ULK4: variants seen among roughly 807,000 people sequenced by gnomAD.
ULK4 encodes unc-51 like kinase 4, also known as inactive serine/threonine-protein kinase ULK4.
ULK4 carries 133 observed loss-of-function variants against 160.6 expected under a neutral mutation model. That is an observed-to-expected ratio of 0.83 (90% CI 0.72 to 0.96). The LOEUF (loss-of-function observed/expected upper bound fraction) is 0.96. Among genes scored for constraint, ULK4 ranks in the 40% least tolerant of loss-of-function variants. ULK4 has a pLI of 0.00. For missense variants in ULK4, 1,580 were observed against 1,499.5 expected (o/e 1.05, Z -0.89); for synonymous variants, 534 against 539.8 (o/e 0.99, Z 0.15).
chr3:41,912,328 CAA>C (rs1223106095), intron 9 of ULK4, among the ~76,000 whole-genome samples: 19 of 88,226 alleles, frequency 2.2e-4, no homozygotes, highest in Admixed American at 2.7e-4. Flanking sequence ...GACGTTGTCT[CAA>C]AAAAAAAAAA....
At chr3:41,664,576 C>T (rs374300194) in intron 29 of ULK4, among the ~76,000 whole-genome samples, 8 of 152,176 alleles carry the variant, frequency 5.3e-5, no homozygotes, top group South Asian at 2.1e-4. Flanking sequence ...TCCAGATTCC[C>T]GGAAGGAAAG....
intron 34 of ULK4, among the ~76,000 whole-genome samples, chr3:41,429,845 T>C (rs535567320): frequency 3.9e-4 from 59 of 152,266 alleles, no homozygotes; most frequent in African/African-American, 1.4e-3. Context: ...CAAACCACCA[T>C]GGCACATGTT....
chr3:41,628,027 C>A (rs2033599765), intron 30 of ULK4, among the ~76,000 whole-genome samples: 2 of 152,088 alleles, frequency 1.3e-5, no homozygotes, highest in South Asian at 2.1e-4. Flanking sequence ...TTATGGGTAA[C>A]CTCCAAGGAT....
At chr3:41,728,335 C>T (rs2037718572) in intron 22 of ULK4, among the ~76,000 whole-genome samples, 1 of 152,110 alleles carries the variant, frequency 6.6e-6, no homozygotes, top group South Asian at 2.1e-4. Flanking sequence ...AGGTTGCTTC[C>T]ACTTATGGTG....
chr3:41,603,520 C>T (rs531261563), intron 31 of ULK4, among the ~76,000 whole-genome samples: 1 of 152,100 alleles, frequency 6.6e-6, no homozygotes, highest in Non-Finnish European at 1.5e-5. Flanking sequence ...ATACTATACC[C>T]CAATGAATAA....
At chr3:41,520,920 T>G (rs2085910575) in intron 32 of ULK4, among the ~76,000 whole-genome samples, 1 of 152,240 alleles carries the variant, frequency 6.6e-6, no homozygotes, top group Non-Finnish European at 1.5e-5. Flanking sequence ...TGTTTTTCTC[T>G]TGTTGAGTTG....
In ULK4 at chr3:41,493,807, A is replaced by G. The variant is rs1352648505; in HGVS notation, c.3227-30554T>C. 2.0e-4 allele frequency among the ~76,000 whole-genome samples: 29 copies of G among 146,616 alleles called. No homozygotes were observed. The East Asian group carries it at 3.9e-3, about 20-fold the overall frequency. On this transcript the variant is annotated intron_variant, in intron 32 of 36. Transcript: ENST00000301831. ...CAGAGAATACTACAAACACCTCTAC[A>G]CAAATAAACTAGAAAATCTAGAAGA...
intron 35 of ULK4, among the ~76,000 whole-genome samples, chr3:41,303,097 T>C (rs938057790): frequency 6.6e-6 from 1 of 152,242 alleles, no homozygotes; most frequent in Non-Finnish European, 1.5e-5. Context: ...GCAACTGTTA[T>C]AACTTTTTTA....
chr3:41,794,454 A>T (rs1236495838), intron 20 of ULK4, among the ~76,000 whole-genome samples: 1 of 152,080 alleles, frequency 6.6e-6, no homozygotes, highest in Non-Finnish European at 1.5e-5. Flanking sequence ...TCACATGGTC[A>T]GGAGTTCAAG....
chr3:41,467,482 G>A (rs1403382308), intron 32 of ULK4, among the ~76,000 whole-genome samples: 1 of 152,126 alleles, frequency 6.6e-6, no homozygotes, highest in African/African-American at 2.4e-5. Context: ...AGCTGAGATT[G>A]TGCCACTGCA....
chr3:41,512,950 T>C (rs1443647078), intron 32 of ULK4, among the ~76,000 whole-genome samples: 1 of 151,824 alleles, frequency 6.6e-6, no homozygotes, highest in Non-Finnish European at 1.5e-5. Context: ...TAAAATATAA[T>C]AGAGAAACCA....
At chr3:41,940,781 C>T (rs1699926452) in intron 2 of ULK4, among the ~76,000 whole-genome samples, 1 of 152,106 alleles carries the variant, frequency 6.6e-6, no homozygotes, top group Non-Finnish European at 1.5e-5. Flanking sequence ...GGAATCTTTA[C>T]AATAAACACA....
intron 36 of ULK4, among the ~76,000 whole-genome samples, chr3:41,247,331 T>G (rs2078663997): frequency 6.6e-6 from 1 of 152,184 alleles, no homozygotes; most frequent in Admixed American, 6.5e-5. Context: ...GGAGCTGACT[T>G]ATGTGTCCCA....
At chr3:41,729,933 A>C (rs1373182588) in intron 22 of ULK4, among the ~76,000 whole-genome samples, 1 of 152,258 alleles carries the variant, frequency 6.6e-6, no homozygotes, top group Non-Finnish European at 1.5e-5. Flanking sequence ...ACAGATTTTC[A>C]AAATTATATT....
intron 29 of ULK4, among the ~76,000 whole-genome samples, chr3:41,666,056 G>C (rs1458709711): frequency 6.6e-6 from 1 of 152,206 alleles, no homozygotes; most frequent in Non-Finnish European, 1.5e-5. Context: ...GAGTTGTACA[G>C]TGTTTACTCC....
chr3:41,685,779 T>TTC (rs369561385), intron 27 of ULK4, among the ~76,000 whole-genome samples: 1 of 151,444 alleles, frequency 6.6e-6, no homozygotes, highest in Admixed American at 6.6e-5. Flanking sequence ...TGTCTGGGAA[T>TTC]TCTCTCTCTC....
At chr3:41,551,600 G>A (rs2087070014) in intron 32 of ULK4, among the ~76,000 whole-genome samples, 1 of 151,770 alleles carries the variant, frequency 6.6e-6, no homozygotes, top group Non-Finnish European at 1.5e-5. Context: ...GACCAATAAT[G>A]AGTAATGAGA....
Position 41,754,454 on chromosome 3 carries a change from C to T in ULK4, c.2228G>A (p.Ser743Asn). 1 of 1,613,478 alleles carries T rather than the reference C, an allele frequency of 6.2e-7. No individual in the cohort carries two copies. Among genetic ancestry groups the T allele is most frequent in the Non-Finnish European group, 8.5e-7 (1 of 1,179,734 alleles). Residue 743 changes from serine (S) to asparagine (N), a missense_variant, in exon 22 of 37, where the codon AGC becomes AAC. Coordinates refer to ENST00000301831, the MANE Select transcript of ULK4 (RefSeq NM_017886.4). ...FVSTIIRLLD[S>N]PSTCIRAKAF... ...TTTTGCTCTAATGCATGTTGAGGGG[C>T]TGTCAAGTAAACGGATAATTGTGGA...
At chr3:41,542,073 G>A (rs1397444252) in intron 32 of ULK4, among the ~76,000 whole-genome samples, 1 of 152,156 alleles carries the variant, frequency 6.6e-6, no homozygotes, top group African/African-American at 2.4e-5. Flanking sequence ...AGTGGTGAGA[G>A]AGGGCATCCT....
Sources: allele counts gnomAD v4.1 joint callset (sites outside exome capture counted in the v4.1 genomes callset), GRCh38; gene constraint gnomAD v4.1.1; transcripts MANE v1.5; gene names NCBI Gene and HGNC (gene_info 2026-07-23, HGNC 2026-07-21).